The following SIK3 variants were observed in gnomAD, a reference collection of about 807,000 sequenced individuals.
The protein encoded by SIK3 is serine/threonine-protein kinase SIK3.
SIK3 carries 28 observed loss-of-function variants against 144.2 expected under a neutral mutation model. The ratio of observed to expected loss-of-function variants is 0.19; its 90% CI spans 0.14 to 0.27. The LOEUF (loss-of-function observed/expected upper bound fraction) is 0.27, where lower values mean the gene tolerates loss of function less well. Among genes scored for constraint, SIK3 ranks in the 10% least tolerant of loss-of-function variants. The pLI, the probability that SIK3 is intolerant of heterozygous loss-of-function variation, is 1.00. For synonymous variants in SIK3, 686 were observed against 676.3 expected (o/e 1.01, Z -0.22); for missense variants, 1,319 against 1,776.0 (o/e 0.74, Z 4.62).
At chr11:117,015,668 G>C (rs1462744412) in intron 1 of SIK3, among the ~76,000 whole-genome samples, 1 of 151,978 alleles carries the variant, frequency 6.6e-6, no homozygotes, top group African/African-American at 2.4e-5. Flanking sequence ...TCCGCCTCCT[G>C]GGTTCAAGTG....
intron 1 of SIK3, among the ~76,000 whole-genome samples, chr11:117,033,708 TAAA>T (rs11347459): frequency 4.4e-5 from 4 of 91,512 alleles, no homozygotes; most frequent in Admixed American, 1.2e-4. Context: ...AGACTCCGTC[TAAA>T]AAAAAAAAAA....
intron 4 of SIK3, among the ~76,000 whole-genome samples, chr11:116,897,757 C>A (rs1453923849): frequency 6.6e-6 from 1 of 152,140 alleles, no homozygotes; most frequent in Non-Finnish European, 1.5e-5. Flanking sequence ...GTGGCGTGCG[C>A]CTGTAGTCCC....
At chr11:117,000,192 A>G (rs1183448549) in intron 1 of SIK3, among the ~76,000 whole-genome samples, 3 of 152,224 alleles carry the variant, frequency 2.0e-5, no homozygotes, top group African/African-American at 7.2e-5. Flanking sequence ...AAAAGGGGAA[A>G]GTACAGTATG....
At chr11:116,986,474 G>T (rs1950329037) in intron 1 of SIK3, among the ~76,000 whole-genome samples, 1 of 152,064 alleles carries the variant, frequency 6.6e-6, no homozygotes, top group Admixed American at 6.6e-5. Flanking sequence ...GCAAACATCT[G>T]TCACTTTATT....
At chr11:116,982,238 A>T (rs1320688019) in intron 1 of SIK3, among the ~76,000 whole-genome samples, 3 of 151,732 alleles carry the variant, frequency 2.0e-5, no homozygotes, top group Non-Finnish European at 4.4e-5. Context: ...ATCCTACAAG[A>T]AACCCTCAGA....
chr11:116,941,244 G>A (rs1948283708), intron 3 of SIK3, among the ~76,000 whole-genome samples: 2 of 152,046 alleles, frequency 1.3e-5, no homozygotes, highest in African/African-American at 4.8e-5. Flanking sequence ...CTGACCTCGT[G>A]ATCCGCCCGC....
intron 6 of SIK3, among the ~76,000 whole-genome samples, chr11:116,885,206 T>C (rs1197770471): frequency 6.6e-6 from 1 of 152,184 alleles, no homozygotes; most frequent in Non-Finnish European, 1.5e-5. Context: ...CCTGGAACAC[T>C]TTCGCAAAGA....
At chr11:116,891,024 T>A (rs1945074277) in intron 6 of SIK3, among the ~76,000 whole-genome samples, 1 of 152,222 alleles carries the variant, frequency 6.6e-6, no homozygotes, top group Non-Finnish European at 1.5e-5. Context: ...TAAGTTTTGC[T>A]TTTTTAAAAA....
intron 1 of SIK3, among the ~76,000 whole-genome samples, chr11:117,031,495 C>CATTTTATTTTATATT (rs1952256598): frequency 6.8e-6 from 1 of 146,106 alleles, no homozygotes; most frequent in African/African-American, 2.5e-5. Flanking sequence ...ATGAATACAG[C>CATTTTATTTTATATT]ATTTTATTTT....
intron 1 of SIK3, among the ~76,000 whole-genome samples, chr11:117,086,457 C>T (rs930052405): frequency 1.3e-5 from 2 of 152,102 alleles, no homozygotes; most frequent in Admixed American, 6.5e-5. Flanking sequence ...TCTGGGAGGC[C>T]GAGGCGAGTG....
At chr11:116,984,450 C>T (rs1950258545) in intron 1 of SIK3, among the ~76,000 whole-genome samples, 1 of 152,152 alleles carries the variant, frequency 6.6e-6, no homozygotes, top group Non-Finnish European at 1.5e-5. Flanking sequence ...CATGCGTTTC[C>T]AGATTCTTCA....
intron 1 of SIK3, among the ~76,000 whole-genome samples, chr11:117,083,676 G>A (rs978496653): frequency 6.6e-6 from 1 of 152,212 alleles, no homozygotes; most frequent in African/African-American, 2.4e-5. Context: ...GAGGCAAGAA[G>A]CAGAAAGAGA....
At chr11:116,980,262 C>T (rs1299574003) in intron 1 of SIK3, among the ~76,000 whole-genome samples, 5 of 152,288 alleles carry the variant, frequency 3.3e-5, no homozygotes, top group African/African-American at 1.2e-4. Flanking sequence ...AATCATCTTA[C>T]AGGGGTGTCC....
chr11:116,915,124 A>ATGTGTGTGTGTGTGTG (rs35059138), intron 4 of SIK3, among the ~76,000 whole-genome samples: 2,585 of 129,884 alleles, frequency 0.02, 40 homozygotes, highest in Middle Eastern at 0.052. Context: ...GAAGCCATAT[A>ATGTGTGTGTGTGTGTG]TGTGTGTGTG....
intron 4 of SIK3, among the ~76,000 whole-genome samples, chr11:116,917,832 A>G (rs930078841): frequency 1.4e-5 from 2 of 147,100 alleles, no homozygotes; most frequent in African/African-American, 5.0e-5. Context: ...AGAAGGAAGG[A>G]AAGGAAAGGA....
intron 1 of SIK3, among the ~76,000 whole-genome samples, chr11:116,997,232 T>C (rs545420976): frequency 6.6e-6 from 1 of 152,314 alleles, no homozygotes; most frequent in South Asian, 2.1e-4. Context: ...CATCAATCCA[T>C]GCGCACAAGC....
chr11:117,038,387 C>T (rs977719943), intron 1 of SIK3, among the ~76,000 whole-genome samples: 7 of 147,222 alleles, frequency 4.8e-5, no homozygotes, highest in South Asian at 2.1e-4. Context: ...GACAGAGTCT[C>T]GCTCTGTCTC....
intron 4 of SIK3, among the ~76,000 whole-genome samples, chr11:116,912,071 T>C (rs549249138): frequency 2.0e-5 from 3 of 152,330 alleles, no homozygotes; most frequent in African/African-American, 4.8e-5. Context: ...CTCAATATAA[T>C]TTGTTAAGTT....
chr11:117,070,992 GT>G (rs1954253004), intron 1 of SIK3, among the ~76,000 whole-genome samples: 4 of 151,954 alleles, frequency 2.6e-5, no homozygotes, highest in Admixed American at 2.6e-4. Context: ...GCCTCCCAAA[GT>G]GCTGAGATTA....
Sources: gnomAD v4.1 joint callset for allele counts (sites outside exome capture counted in the v4.1 genomes callset) on GRCh38, gnomAD v4.1.1 for gene constraint, MANE v1.5 for transcripts, NCBI Gene and HGNC (gene_info 2026-07-23, HGNC 2026-07-21) for gene names.